PRKN: variants seen among roughly 807,000 people sequenced by gnomAD.
PRKN encodes the protein parkin RBR E3 ubiquitin protein ligase.
A neutral mutation model predicts 59.5 loss-of-function variants in PRKN; 56 were observed. The observed-to-expected ratio is 0.94, with a 90% confidence interval of 0.76 to 1.18. PRKN has a LOEUF of 1.18. PRKN is among the 50% of genes most tolerant of loss of function. The probability of loss-of-function intolerance (pLI) is 0.00; values close to 1 mark genes in which losing one functional copy is unlikely to be tolerated. For missense variants in PRKN, 657 were observed against 596.4 expected (o/e 1.10, Z -1.06); for synonymous variants, 250 against 222.1 (o/e 1.13, Z -1.12).
chr6:161,548,043 G>A lies in PRKN; in HGVS notation c.1083+811C>T, dbSNP rs1779857403. 6.6e-6 allele frequency among the ~76,000 whole-genome samples: 1 copy of A among 152,152 alleles called. No homozygotes were observed. Among genetic ancestry groups the A allele is most frequent in the Non-Finnish European group, 1.5e-5 (1 of 68,028 alleles). The stretch of plus-strand genomic sequence containing the variant: ...AACTCTGCTATCTGTGCTCCTTCTT[G>A]CACAAAACTCCTCATGAAGTTGCAA... On this transcript the variant is annotated intron_variant, in intron 9 of 11. Transcript: ENST00000366898. The surrounding 1 kb of genome is among the most constrained non-coding windows in gnomAD (Gnocchi z 4.2).
In PRKN at chr6:162,056,289, C is replaced by T. The variant is rs532498600; in HGVS notation, c.535-2115G>A. On this transcript the variant is annotated intron_variant, in intron 4 of 11. Transcript: ENST00000366898. The surrounding 1 kb of genome is among the most constrained non-coding windows in gnomAD (Gnocchi z 4.9). ...CATACATGCACACCAAGACACACCA[C>T]ACATGCATAAACACACCACGCACAC... 1.6e-4 allele frequency among the ~76,000 whole-genome samples: 24 copies of T among 151,814 alleles called. No individual in the cohort carries two copies. Among genetic ancestry groups the T allele is most frequent in the Admixed American group, 1.6e-3 (24 of 15,246 alleles).
At chr6:162,125,278 G>C (rs1781080688) in intron 4 of PRKN, among the ~76,000 whole-genome samples, 1 of 152,166 alleles carries the variant, frequency 6.6e-6, no homozygotes, top group South Asian at 2.1e-4. Context: ...CTGCATGTGA[G>C]TCCACGGGCG....
chr6:162,593,175 T>C (rs539665158), intron 1 of PRKN, among the ~76,000 whole-genome samples: 2 of 152,264 alleles, frequency 1.3e-5, no homozygotes, highest in African/African-American at 2.4e-5. Context: ...CCCAGGAATA[T>C]AGAAGTAAAG....
Position 162,262,742 on chromosome 6 carries a change from G to A in PRKN, c.195C>T (p.Ser65=). 1 of 1,604,048 alleles carries A rather than the reference G, an allele frequency of 6.2e-7. No individual in the cohort carries two copies. Among genetic ancestry groups the A allele is most frequent in the South Asian group, 1.1e-5 (1 of 90,820 alleles). Residue 65 remains serine, a synonymous_variant, in exon 3 of 12, where the codon AGC becomes AGT. Coordinates refer to ENST00000366898, the MANE Select transcript of PRKN (RefSeq NM_004562.3). ...TVQNCDLDQQ[S]IVHIVQRPWR... is the part of the protein sequence containing the mutation. The stretch of plus-strand genomic sequence containing the variant: ...ACGGTCTCTGCACAATGTGAACAAT[G>A]CTCTGCTGATCCAGGTCACAATTCT...
chr6:162,045,153 C>T (rs1288186161), intron 5 of PRKN, among the ~76,000 whole-genome samples: 3 of 152,168 alleles, frequency 2.0e-5, no homozygotes, highest in Non-Finnish European at 4.4e-5. Context: ...CTTCTCTACT[C>T]GGCTAGATTC....
intron 1 of PRKN, among the ~76,000 whole-genome samples, chr6:162,642,630 C>G (rs529304538): frequency 5.5e-4 from 83 of 151,896 alleles, no homozygotes; most frequent in African/African-American, 1.5e-3. Context: ...GTGTCGAAAA[C>G]TCAGACTAAG....
chr6:161,940,833 C>G (rs1164090569), intron 6 of PRKN, among the ~76,000 whole-genome samples: 1 of 152,240 alleles, frequency 6.6e-6, no homozygotes, highest in Non-Finnish European at 1.5e-5. Context: ...TTTCCAGTCT[C>G]TGTGATGCTG....
rs1789893115 is a variant in PRKN at position 161,454,864 on chromosome 6, C to T, written c.1084-67987G>A. Reference sequence around the variant, plus strand: ...ACCATCTAGCCTGTCTAAAGTCATCCTTCCACTCCCCCAGTTGTCTCAGTT... The same window carrying T: ...ACCATCTAGCCTGTCTAAAGTCATCTTTCCACTCCCCCAGTTGTCTCAGTT... On this transcript the variant is annotated intron_variant, in intron 9 of 11. Transcript: ENST00000366898. This position sits in a 1 kb window ranked among gnomAD's most constrained non-coding sequence, Gnocchi z 4.6. Among the ~76,000 whole-genome samples, 1 of 152,100 alleles carries T rather than the reference C, an allele frequency of 6.6e-6. No individual in the cohort carries two copies. The highest frequency in any genetic ancestry group is 2.1e-4 in the South Asian group (1 of 4,828).
intron 1 of PRKN, among the ~76,000 whole-genome samples, chr6:162,709,477 T>A (rs1778450569): frequency 6.6e-6 from 1 of 152,078 alleles, no homozygotes; most frequent in East Asian, 1.9e-4. Context: ...ACTGACTTAC[T>A]GCTTGTTATA....
chr6:162,237,040 T>C (rs1052703612), intron 3 of PRKN, among the ~76,000 whole-genome samples: 2 of 152,178 alleles, frequency 1.3e-5, no homozygotes, highest in African/African-American at 4.8e-5. Flanking sequence ...ACTATTCGAA[T>C]AGCCCATCCC....
chr6:162,521,937 T>C (rs1452137057), intron 1 of PRKN, among the ~76,000 whole-genome samples: 1 of 152,136 alleles, frequency 6.6e-6, no homozygotes, highest in African/African-American at 2.4e-5. Flanking sequence ...TGTTTTCAAA[T>C]CATAGGAGGT....
At chr6:161,567,179 C>T (rs1780684739) in intron 8 of PRKN, among the ~76,000 whole-genome samples, 2 of 152,040 alleles carry the variant, frequency 1.3e-5, no homozygotes, top group South Asian at 2.1e-4. Context: ...GCTGGGATTA[C>T]AGGCGTGCAC....
intron 2 of PRKN, among the ~76,000 whole-genome samples, chr6:162,364,515 A>G (rs1213834299): frequency 6.6e-6 from 1 of 152,218 alleles, no homozygotes; most frequent in Admixed American, 6.5e-5. Flanking sequence ...GAAAGTATCT[A>G]CTTGGCAAGT....
At chr6:162,304,186 A>G (rs1175476836) in intron 2 of PRKN, among the ~76,000 whole-genome samples, 1 of 150,554 alleles carries the variant, frequency 6.6e-6, no homozygotes, top group Non-Finnish European at 1.5e-5. Context: ...TAAGTGATTG[A>G]AGGTCGTCTC....
chr6:161,591,731 C>A (rs1430160323), intron 7 of PRKN, among the ~76,000 whole-genome samples: 1 of 152,188 alleles, frequency 6.6e-6, no homozygotes, highest in Non-Finnish European at 1.5e-5. Flanking sequence ...GCTTAATCAA[C>A]TGAATATCCA....
intron 9 of PRKN, among the ~76,000 whole-genome samples, chr6:161,515,005 T>C (rs1363610976): frequency 2.0e-5 from 3 of 152,188 alleles, no homozygotes; most frequent in Non-Finnish European, 4.4e-5. Context: ...CCAGGGGGAA[T>C]ATCTTCATCA....
At chr6:162,015,175 TTGAC>T (rs1348953282) in intron 5 of PRKN, among the ~76,000 whole-genome samples, 5 of 152,152 alleles carry the variant, frequency 3.3e-5, no homozygotes, top group South Asian at 2.1e-4. Flanking sequence ...GAAGGTTTCT[TTGAC>T]TGTGAGTTCT....
At chr6:161,961,207 C>T (rs1790004) in intron 6 of PRKN, among the ~76,000 whole-genome samples, 30,119 of 152,010 alleles carry the variant, frequency 0.2, 3,693 homozygotes, top group East Asian at 0.27. Context: ...ACTTTTGTTC[C>T]GGCTCAGAGA....
intron 7 of PRKN, among the ~76,000 whole-genome samples, chr6:161,648,482 C>T (rs1175994007): frequency 1.3e-5 from 2 of 152,186 alleles, no homozygotes; most frequent in Admixed American, 1.3e-4. Flanking sequence ...AGTCTGTGGA[C>T]TTTCCTGCAA....
Sources: allele counts gnomAD v4.1 joint callset (sites outside exome capture counted in the v4.1 genomes callset), GRCh38; gene constraint gnomAD v4.1.1; non-coding constraint Gnocchi (gnomAD v3.1); transcripts MANE v1.5; gene names NCBI Gene and HGNC (gene_info 2026-07-23, HGNC 2026-07-21).